WWP2: variants seen among roughly 807,000 people sequenced by gnomAD.
The protein encoded by WWP2 is NEDD4-like E3 ubiquitin-protein ligase WWP2.
In WWP2, 57 loss-of-function variants were observed where a neutral mutation model predicts 121.0. The ratio of observed to expected loss-of-function variants is 0.47; its 90% CI spans 0.38 to 0.59. The LOEUF (loss-of-function observed/expected upper bound fraction) is 0.59. Among genes scored for constraint, WWP2 ranks in the 20% least tolerant of loss-of-function variants. The pLI, the probability that WWP2 is intolerant of heterozygous loss-of-function variation, is 0.00. For missense variants in WWP2, 962 were observed against 1,158.9 expected, an observed-to-expected ratio of 0.83 and a Z score of 2.47; for synonymous variants, 449 against 441.3, an observed-to-expected ratio of 1.02 and a Z score of -0.22.
chr16:69,791,158 G>T (rs1193858982), intron 2 of WWP2, among the ~76,000 whole-genome samples: 1 of 151,978 alleles, frequency 6.6e-6, no homozygotes, highest in Non-Finnish European at 1.5e-5. Flanking sequence ...ATTGGACCTG[G>T]TAACATCCTG....
chr16:69,776,503 A>G (rs2055530428), intron 1 of WWP2, among the ~76,000 whole-genome samples: 1 of 152,338 alleles, frequency 6.6e-6, no homozygotes, highest in South Asian at 2.1e-4. Flanking sequence ...AGCTCTAGAG[A>G]TTGTTACCTA....
At chr16:69,887,974 C>G in intron 7 of WWP2, 65 bp from the exon 8 acceptor site, 10 of 1,578,506 alleles carry the variant, frequency 6.3e-6, no homozygotes, top group East Asian at 2.2e-5. Context: ...AGTGAAAAAC[C>G]TAGCAAGTAT....
chr16:69,845,012 C>T (rs1204450861), intron 6 of WWP2, among the ~76,000 whole-genome samples: 1 of 152,084 alleles, frequency 6.6e-6, no homozygotes, highest in Non-Finnish European at 1.5e-5. Flanking sequence ...TAGGCGGTGG[C>T]CAAGGAGTCT....
chr16:69,785,807 A>G (rs2055775430), intron 1 of WWP2, among the ~76,000 whole-genome samples: 1 of 151,382 alleles, frequency 6.6e-6, no homozygotes, highest in South Asian at 2.1e-4. Flanking sequence ...GTTGTTTTTT[A>G]GTATAGATGG....
At chr16:69,803,406 C>T (rs952852735) in intron 4 of WWP2, among the ~76,000 whole-genome samples, 1 of 151,720 alleles carries the variant, frequency 6.6e-6, no homozygotes, top group African/African-American at 2.4e-5. Flanking sequence ...GTATCGTTAT[C>T]ACATTTAGCA....
At chr16:69,793,024 A>G (rs1197870378) in intron 2 of WWP2, among the ~76,000 whole-genome samples, 1 of 152,074 alleles carries the variant, frequency 6.6e-6, no homozygotes, top group African/African-American at 2.4e-5. Flanking sequence ...AAACAATTGT[A>G]ATCACCCAGT....
intron 4 of WWP2, among the ~76,000 whole-genome samples, chr16:69,816,701 G>A (rs566553943): frequency 1.3e-5 from 2 of 151,544 alleles, no homozygotes; most frequent in Non-Finnish European, 2.9e-5. Context: ...ATATACACAC[G>A]TATACATGTA....
intron 7 of WWP2, among the ~76,000 whole-genome samples, chr16:69,883,400 GCACACACACACA>G (rs59771717): frequency 2.1e-5 from 3 of 145,862 alleles, no homozygotes; most frequent in Non-Finnish European, 4.5e-5. Flanking sequence ...AAGAATGTGC[GCACACACACACA>G]CACACACACA....
chr16:69,823,294 AC>A (rs1449099469), intron 4 of WWP2, among the ~76,000 whole-genome samples: 1 of 152,322 alleles, frequency 6.6e-6, no homozygotes, highest in African/African-American at 2.4e-5. Flanking sequence ...TTTCTGACAC[AC>A]AGCACATCTT....
At position 69,772,640 on chromosome 16, in the gene WWP2, A is replaced by G. The variant is rs186678234; in HGVS notation, c.-16+10249A>G. ...TTATATGCAAGTTAAGGAGTGGGCTATTAGACATTTCTAGAAAAGTGGTAA... is the reference window on the plus strand; with the variant it reads ...TTATATGCAAGTTAAGGAGTGGGCTGTTAGACATTTCTAGAAAAGTGGTAA... On this transcript the variant is annotated intron_variant, in intron 1 of 23. Coordinates refer to ENST00000359154, the MANE Select transcript of WWP2 (RefSeq NM_001270454.2). Among the ~76,000 whole-genome samples, 69 of 152,290 alleles carry G rather than the reference A, an allele frequency of 4.5e-4. No individual in the cohort carries two copies. The Middle Eastern group carries it at 0.014, about 30-fold the overall frequency.
In WWP2 at chr16:69,841,987, A is replaced by G. The variant is rs766606426; in HGVS notation, c.479-37A>G. 20 of 1,592,512 alleles carry G rather than the reference A, an allele frequency of 1.3e-5. No homozygotes were observed. The South Asian group carries it at 1.8e-4, about 14-fold the overall frequency. ...TCTCAAACACGAGTTGAGCTCCTCAATGCTTCTGTCTTTTCTTGTGATTGA... is the reference window on the plus strand; with the variant it reads ...TCTCAAACACGAGTTGAGCTCCTCAGTGCTTCTGTCTTTTCTTGTGATTGA... On this transcript the variant is annotated intron_variant, in intron 5 of 23. Coordinates refer to ENST00000359154, the MANE Select transcript of WWP2 (RefSeq NM_001270454.2).
intron 4 of WWP2, among the ~76,000 whole-genome samples, chr16:69,813,940 A>C (rs2056443310): frequency 6.6e-6 from 1 of 152,200 alleles, no homozygotes; most frequent in Non-Finnish European, 1.5e-5. Flanking sequence ...TCAGAAGAGA[A>C]AGGCAAACAA....
chr16:69,882,383 T>G (rs1414839989), intron 7 of WWP2, among the ~76,000 whole-genome samples: 1 of 152,262 alleles, frequency 6.6e-6, no homozygotes, highest in African/African-American at 2.4e-5. Flanking sequence ...AACTCACCTA[T>G]TCAATCAAAT....
Position 69,888,139 on chromosome 16 carries a change from C to T in WWP2, c.804C>T (p.Asn268=). 6.2e-7 allele frequency: 1 copy of T among 1,614,236 alleles called. No homozygotes were observed. The highest frequency in any genetic ancestry group is 8.5e-7 in the Non-Finnish European group (1 of 1,180,042). The part of the protein sequence containing the change: ...AAPLSVTPNP[N]TTSLPAPATP... Reference sequence around the variant, plus strand: ...CCTTGAGTGTGACCCCGAATCCCAACACGACTTCTCTCCCTGCCCCAGCCA... The same window carrying T: ...CCTTGAGTGTGACCCCGAATCCCAATACGACTTCTCTCCCTGCCCCAGCCA... The change falls in exon 8 of 24, where the codon AAC becomes AAT. Residue 268 remains asparagine (N), a synonymous_variant. Coordinates refer to ENST00000359154, the MANE Select transcript of WWP2 (RefSeq NM_001270454.2).
At chr16:69,833,874 G>A (rs954315185) in intron 4 of WWP2, among the ~76,000 whole-genome samples, 18 of 152,148 alleles carry the variant, frequency 1.2e-4, no homozygotes, top group Non-Finnish European at 2.6e-4. Flanking sequence ...GGCCCTGCGG[G>A]GCCTGGCTGA....
intron 10 of WWP2, among the ~76,000 whole-genome samples, chr16:69,918,614 G>A (rs1438875847): frequency 6.6e-6 from 1 of 152,184 alleles, no homozygotes; most frequent in Non-Finnish European, 1.5e-5. Context: ...TGGTCTAGCT[G>A]AGCCTCCTTC....
intron 4 of WWP2, among the ~76,000 whole-genome samples, chr16:69,811,263 G>T (rs973673842): frequency 6.6e-6 from 1 of 152,066 alleles, no homozygotes; most frequent in Non-Finnish European, 1.5e-5. Context: ...CTTTCAAGGA[G>T]GTGAATGTAG....
intron 1 of WWP2, among the ~76,000 whole-genome samples, chr16:69,780,190 G>A (rs940696657): frequency 2.0e-5 from 3 of 150,668 alleles, no homozygotes; most frequent in South Asian, 2.1e-4. Context: ...CAACAACAAC[G>A]TATACAGTTG....
chr16:69,917,911 TG>T, intron 10 of WWP2, 28 bp downstream of exon 10: 1 of 1,596,946 alleles, frequency 6.3e-7, no homozygotes. Context: ...TGGCCCGAGG[TG>T]GGGCCGCCTC....
Sources: allele counts gnomAD v4.1 joint callset (sites outside exome capture counted in the v4.1 genomes callset), GRCh38; gene constraint gnomAD v4.1.1; transcripts MANE v1.5; gene names NCBI Gene and HGNC (gene_info 2026-07-23, HGNC 2026-07-21).